Variants in DNAH5 observed in about 807,000 individuals in gnomAD.
The protein encoded by DNAH5 is dynein axonemal heavy chain 5, also known as axonemal beta dynein heavy chain 5.
DNAH5 carries 372 observed loss-of-function variants against 518.2 expected under a neutral mutation model. The observed-to-expected ratio is 0.72, with a 90% CI of 0.66 to 0.78. The LOEUF (loss-of-function observed/expected upper bound fraction) is 0.78, where lower values mean the gene tolerates loss of function less well. Among genes scored for constraint, DNAH5 ranks in the 30% least tolerant of loss-of-function variants. The pLI is 0.00. For synonymous variants in DNAH5, 2,039 were observed against 2,025.9 expected (o/e 1.01, Z -0.17); for missense variants, 5,523 against 5,687.0 (o/e 0.97, Z 0.93).
chr5:13,959,116 T>C (rs1382177046), intron 1 of DNAH5, among the ~76,000 whole-genome samples: 1 of 152,104 alleles, frequency 6.6e-6, no homozygotes, highest in Non-Finnish European at 1.5e-5. Flanking sequence ...CCAGCTAATG[T>C]TTGTATTTTT....
At chr5:13,976,671 A>G (rs1189375405) in intron 1 of DNAH5, among the ~76,000 whole-genome samples, 1 of 144,966 alleles carries the variant, frequency 6.9e-6, no homozygotes, top group African/African-American at 2.5e-5. Context: ...TGTATAGAAA[A>G]AAACAATGTG....
intron 35 of DNAH5, among the ~76,000 whole-genome samples, chr5:13,838,152 C>T (rs571439937): frequency 2.2e-4 from 34 of 152,240 alleles, no homozygotes; most frequent in East Asian, 1.3e-3. Context: ...ATACCTGAAG[C>T]GAAAATATAC....
At chr5:13,910,534 G>C (rs1445041531) in intron 12 of DNAH5, among the ~76,000 whole-genome samples, 1 of 152,196 alleles carries the variant, frequency 6.6e-6, no homozygotes, top group Non-Finnish European at 1.5e-5. Flanking sequence ...AGAAGAAATA[G>C]AGTGGCTATT....
intron 42 of DNAH5, among the ~76,000 whole-genome samples, 188 bp from the exon 43 acceptor site, chr5:13,815,034 C>T (rs1438981162): frequency 1.3e-5 from 2 of 152,158 alleles, no homozygotes; most frequent in Non-Finnish European, 2.9e-5. Context: ...ATATAGTAGT[C>T]AAGGCCCATA....
chr5:13,993,962 G>A (rs991855463), intron 1 of DNAH5, among the ~76,000 whole-genome samples: 2 of 152,202 alleles, frequency 1.3e-5, no homozygotes, highest in Non-Finnish European at 2.9e-5. Flanking sequence ...AAAGTGGCTT[G>A]TGAAGACAGC....
chr5:13,885,344 A>T, intron 18 of DNAH5, 116 bp from the exon 19 acceptor site: 1 of 1,306,050 alleles, frequency 7.7e-7, no homozygotes, highest in Non-Finnish European at 1.1e-6. Flanking sequence ...GATAAATTAC[A>T]TGCAAGTTTA....
intron 75 of DNAH5, among the ~76,000 whole-genome samples, chr5:13,708,783 G>A (rs1328511854): frequency 6.6e-6 from 1 of 152,060 alleles, no homozygotes; most frequent in African/African-American, 2.4e-5. Flanking sequence ...TTCCATCAAA[G>A]CATCCATCCA....
intron 1 of DNAH5, among the ~76,000 whole-genome samples, chr5:13,979,054 C>G (rs1377757998): frequency 6.6e-6 from 1 of 152,142 alleles, no homozygotes; most frequent in Non-Finnish European, 1.5e-5. Flanking sequence ...CCCATTTACA[C>G]AGACACCCTA....
chr5:13,870,957 A>G lies in DNAH5; in HGVS notation c.3644T>C (p.Val1215Ala), dbSNP rs922985850. ...ALTAETKAWM[V>A]VIGRHCNKKY... ...TTTGTTACAGTGGCGTCCAATGACA[A>G]CCATCCAGGCCTTTGTCTCAGCAGT... Residue 1215 changes from valine (V) to alanine (A), a missense_variant, in exon 24 of 79, where the codon GTT (valine) becomes GCT (alanine). By Grantham distance (64) the Val-to-Ala change is moderately conservative (BLOSUM62 0). Coordinates refer to ENST00000265104, the MANE Select transcript of DNAH5 (RefSeq NM_001369.3). The G allele has an allele frequency of 2.5e-6, 4 of 1,613,676 alleles. No individual in the cohort carries two copies. In the African/African-American group the frequency reaches 4.0e-5, roughly 16 times the overall value.
chr5:13,879,148 A>G (rs1002593010), intron 21 of DNAH5, among the ~76,000 whole-genome samples: 28 of 152,224 alleles, frequency 1.8e-4, no homozygotes, highest in African/African-American at 6.8e-4. Flanking sequence ...GCTGTCTTTT[A>G]TAATACACAG....
Position 13,920,541 on chromosome 5 carries a change from T to C in DNAH5, c.737A>G (p.Asn246Ser). The C allele has an allele frequency of 6.2e-7, 1 of 1,614,198 alleles. No individual in the cohort carries two copies. Among genetic ancestry groups the C allele is most frequent in the East Asian group, 2.2e-5 (1 of 44,878 alleles). ...CTCTATTTTTCCCAAAGTCTCAGGG[T>C]TATTTGCTAGAGTCAAGTAGTCCGT... ...EPTDYLTLAN[N>S]PETLGKIEDC... The change falls in exon 6 of 79, where the codon AAC (asparagine) becomes AGC (serine). Residue 246 changes from asparagine to serine, a missense_variant. Around this residue, in one of 3 missense-constraint regions of DNAH5, gnomAD observed 5,121 missense variants for 5,223.3 expected, o/e 0.98. Coordinates refer to ENST00000265104, the MANE Select transcript of DNAH5 (RefSeq NM_001369.3).
chr5:13,739,789 T>G (rs1467303412), intron 65 of DNAH5, among the ~76,000 whole-genome samples: 2 of 152,222 alleles, frequency 1.3e-5, no homozygotes, highest in Non-Finnish European at 2.9e-5. Context: ...TTCCCTTTAG[T>G]GGCTCTTACA....
At position 13,830,789 on chromosome 5, in the gene DNAH5, A is replaced by G; in HGVS notation, c.5883-14T>C. On this transcript the variant is annotated splice_polypyrimidine_tract_variant and intron_variant, in intron 35 of 78. Coordinates refer to ENST00000265104, the MANE Select transcript of DNAH5 (RefSeq NM_001369.3). ...GTGATGTAACATCTGCATGGGTAGAAACATCACTAGAACCAGCCCTCAGTC... is the reference window on the plus strand; with the variant it reads ...GTGATGTAACATCTGCATGGGTAGAGACATCACTAGAACCAGCCCTCAGTC... 2 of 1,613,900 alleles carry G rather than the reference A, an allele frequency of 1.2e-6. No individual in the cohort carries two copies. Among genetic ancestry groups the G allele is most frequent in the Non-Finnish European group, 1.7e-6 (2 of 1,179,898 alleles).
At position 13,835,278 on chromosome 5, in the gene DNAH5, C is replaced by CAAAAA. The variant is rs57989593; in HGVS notation, c.5882+4073_5882+4077dup. ...TGGGCGACAGAGTGAGACTTCTTCT[C>CAAAAA]AAAAAAAAAAAATAGTAGTAATGAT... On this transcript the variant is annotated intron_variant, in intron 35 of 78. Transcript: ENST00000265104. 6.7e-3 allele frequency among the ~76,000 whole-genome samples: 958 copies of CAAAAA among 142,986 alleles called. 13 individuals carry two copies. The highest frequency in any genetic ancestry group is 0.023 in the African/African-American group (900 of 38,852). 93.8% of individuals were successfully genotyped at this position (142,986 alleles called of 152,430 possible).
chr5:13,931,041 A>G, intron 2 of DNAH5, 69 bp downstream of exon 2: 1 of 1,610,964 alleles, frequency 6.2e-7, no homozygotes, highest in Non-Finnish European at 8.5e-7. Flanking sequence ...GGATCCTGCC[A>G]CAGGACTGTG....
chr5:13,738,061 A>G (rs1211444209), intron 65 of DNAH5, among the ~76,000 whole-genome samples: 2 of 148,042 alleles, frequency 1.4e-5, no homozygotes, highest in Admixed American at 1.3e-4. Context: ...AGACTCTAAC[A>G]TAAAATAAAA....
chr5:13,787,739 G>T (rs937105993), intron 51 of DNAH5, among the ~76,000 whole-genome samples: 2 of 152,108 alleles, frequency 1.3e-5, no homozygotes, highest in South Asian at 4.1e-4. Flanking sequence ...TTTTGTATGT[G>T]TTTGACCTGA....
At chr5:13,723,758 T>C (rs1745364007) in intron 70 of DNAH5, among the ~76,000 whole-genome samples, 1 of 152,184 alleles carries the variant, frequency 6.6e-6, no homozygotes, top group South Asian at 2.1e-4. Context: ...TTCAGGCATT[T>C]AAAAATATAA....
intron 42 of DNAH5, 37 bp downstream of exon 42, chr5:13,817,511 G>A (rs779954329): frequency 6.3e-7 from 1 of 1,599,670 alleles, no homozygotes; most frequent in South Asian, 1.1e-5. Flanking sequence ...CTATCTAGAA[G>A]TATAATCAAA....
Sources: allele counts gnomAD v4.1 joint callset (sites outside exome capture counted in the v4.1 genomes callset), GRCh38; gene constraint gnomAD v4.1.1; regional missense constraint gnomAD v4.1.1; transcripts MANE v1.5; gene names NCBI Gene and HGNC (gene_info 2026-07-23, HGNC 2026-07-21).